Variants in FUT8 observed in about 807,000 individuals in gnomAD.
FUT8 encodes alpha-(1,6)-fucosyltransferase.
In FUT8, 29 loss-of-function variants were observed where a neutral mutation model predicts 71.3. That is an observed-to-expected ratio of 0.41 (90% CI 0.30 to 0.55). FUT8 has a LOEUF of 0.55. Ranked by LOEUF, FUT8 falls within the 20% of genes least tolerant of loss-of-function variation. The pLI, the probability that FUT8 is intolerant of heterozygous loss-of-function variation, is 0.34. For missense variants in FUT8, 544 were observed against 702.1 expected, an observed-to-expected ratio of 0.77 and a Z score of 2.55; for synonymous variants, 254 against 239.3, an observed-to-expected ratio of 1.06 and a Z score of -0.57.
intron 2 of FUT8, among the ~76,000 whole-genome samples, chr14:65,494,965 G>A (rs530886707): frequency 1.4e-3 from 207 of 152,004 alleles, no homozygotes; most frequent in Admixed American, 2.4e-3. Context: ...CGTAGTTCTG[G>A]GCTCTGGTTT....
intron 3 of FUT8, among the ~76,000 whole-genome samples, chr14:65,577,838 G>A (rs997964124): frequency 1.3e-5 from 2 of 152,042 alleles, no homozygotes; most frequent in Admixed American, 1.3e-4. Context: ...TAGAAGCATA[G>A]AATGGGCTTT....
chr14:65,442,336 C>G (rs2065673045), intron 1 of FUT8, among the ~76,000 whole-genome samples: 1 of 151,850 alleles, frequency 6.6e-6, no homozygotes, highest in Non-Finnish European at 1.5e-5. Flanking sequence ...CCACCACACC[C>G]AGCCAATTTT....
Position 65,654,607 on chromosome 14 carries a change from C to CT in FUT8, c.598-14635dup, listed in dbSNP as rs561014270. On this transcript the variant is annotated intron_variant, in intron 6 of 10. Coordinates refer to ENST00000673929, the MANE Select transcript of FUT8 (RefSeq NM_001371533.1). ...TTCTGTCTCCAAAAAAAAAAAAGCT[C>CT]TATAAAAAGATATTTTAAAACACTA... is the stretch of plus-strand genomic sequence containing the variant. Among the ~76,000 whole-genome samples, 427 of 150,934 alleles carry CT rather than the reference C, an allele frequency of 2.8e-3. 4 individuals are homozygous for CT. The highest frequency in any genetic ancestry group is 3.8e-3 in the Non-Finnish European group (258 of 67,754).
At chr14:65,558,262 G>A (rs1397639484) in intron 2 of FUT8, among the ~76,000 whole-genome samples, 3 of 151,204 alleles carry the variant, frequency 2.0e-5, no homozygotes, top group African/African-American at 7.3e-5. Context: ...AACCCTGGAG[G>A]TGGAAGTTGT....
chr14:65,428,729 C>T (rs768602165), intron 1 of FUT8, among the ~76,000 whole-genome samples: 2 of 152,040 alleles, frequency 1.3e-5, no homozygotes, highest in East Asian at 1.9e-4. Flanking sequence ...AGATTTTTGA[C>T]GAGAACAAAG....
intron 6 of FUT8, among the ~76,000 whole-genome samples, chr14:65,644,961 A>C (rs1891054078): frequency 6.6e-6 from 1 of 152,180 alleles, no homozygotes; most frequent in South Asian, 2.1e-4. Flanking sequence ...GCCATTTTCA[A>C]CAGTGAAATC....
At chr14:65,426,521 C>T (rs966460606) in intron 1 of FUT8, among the ~76,000 whole-genome samples, 1 of 152,082 alleles carries the variant, frequency 6.6e-6, no homozygotes, top group African/African-American at 2.4e-5. Context: ...GAAAAATAAA[C>T]TGGATTATAT....
rs1470209296 is a variant in FUT8, at chr14:65,638,960, G to T, written c.597+9354G>T. ...TTTGCTAAATATTTAATACAACTGG[G>T]ATGGGCAGAAACCTTCAGAGCTTTT... On this transcript the variant is annotated intron_variant, in intron 6 of 10. Coordinates refer to ENST00000673929, the MANE Select transcript of FUT8 (RefSeq NM_001371533.1). This position sits in a 1 kb window ranked among gnomAD's most constrained non-coding sequence, Gnocchi z 4.5. Among the ~76,000 whole-genome samples the T allele has an allele frequency of 1.3e-5, 2 of 152,212 alleles. No homozygotes were observed. The highest frequency in any genetic ancestry group is 2.9e-5 in the Non-Finnish European group (2 of 68,040).
chr14:65,680,942 G>T (rs901621898), intron 7 of FUT8, among the ~76,000 whole-genome samples: 2 of 152,160 alleles, frequency 1.3e-5, no homozygotes, highest in African/African-American at 4.8e-5. Context: ...ACCTACAAAT[G>T]TATTCCTTGA....
chr14:65,422,657 C>G (rs977606169), intron 1 of FUT8, among the ~76,000 whole-genome samples: 3 of 151,986 alleles, frequency 2.0e-5, no homozygotes, highest in African/African-American at 7.2e-5. Flanking sequence ...ACCACTATGC[C>G]TGGCTAATTT....
intron 1 of FUT8, among the ~76,000 whole-genome samples, chr14:65,427,750 A>G (rs1010408692): frequency 6.6e-6 from 1 of 152,258 alleles, no homozygotes; most frequent in Non-Finnish European, 1.5e-5. Context: ...GTAAATTTAT[A>G]TAGTTGTGCA....
intron 6 of FUT8, among the ~76,000 whole-genome samples, chr14:65,657,643 G>A (rs1891748781): frequency 6.6e-6 from 1 of 152,098 alleles, no homozygotes; most frequent in Non-Finnish European, 1.5e-5. Context: ...AACTCATGGA[G>A]ATAGAGACTA....
chr14:65,529,462 A>T (rs1883780630), intron 2 of FUT8: 1 of 152,556 alleles, frequency 6.6e-6, no homozygotes, highest in African/African-American at 2.4e-5. Flanking sequence ...CGAACTGCCG[A>T]CATCAGGTGA....
chr14:65,570,966 G>A (rs1423175884), intron 3 of FUT8, among the ~76,000 whole-genome samples: 1 of 152,192 alleles, frequency 6.6e-6, no homozygotes, highest in East Asian at 1.9e-4. Flanking sequence ...CAAATGCTGA[G>A]CTGTAACCAA....
At chr14:65,411,897 G>C (rs555600599), upstream of FUT8, 20 of 376,874 alleles carry the variant, frequency 5.3e-5, no homozygotes, top group African/African-American at 3.4e-4. Flanking sequence ...GCGCGCTCCG[G>C]TCCTCCCGCT....
chr14:65,718,287 G>T (rs1416030998), intron 7 of FUT8, among the ~76,000 whole-genome samples: 1 of 152,026 alleles, frequency 6.6e-6, no homozygotes. Context: ...CTTATAGCTC[G>T]TTATTTTAAA....
intron 1 of FUT8, among the ~76,000 whole-genome samples, chr14:65,421,899 A>G (rs1469378048): frequency 6.6e-6 from 1 of 152,040 alleles, no homozygotes; most frequent in South Asian, 2.1e-4. Flanking sequence ...GGCTTTTTCC[A>G]TAACAACGAC....
intron 3 of FUT8, among the ~76,000 whole-genome samples, chr14:65,587,203 C>CAA (rs1052249531): frequency 6.9e-6 from 1 of 145,890 alleles, no homozygotes; most frequent in Non-Finnish European, 1.5e-5. Context: ...AAAAAAAAAA[C>CAA]AAAAAAAACT....
upstream of FUT8, chr14:65,412,514 C>A: frequency 2.8e-6 from 1 of 358,088 alleles, no homozygotes; most frequent in South Asian, 2.1e-5. Context: ...GAGCCGGAGC[C>A]GGCGTGCGCA....
Sources: allele counts gnomAD v4.1 joint callset (sites outside exome capture counted in the v4.1 genomes callset), GRCh38; gene constraint gnomAD v4.1.1; non-coding constraint Gnocchi (gnomAD v3.1); transcripts MANE v1.5; gene names NCBI Gene and HGNC (gene_info 2026-07-23, HGNC 2026-07-21).